The following ARMH1 variants were observed in gnomAD, a reference collection of about 807,000 sequenced individuals.
ARMH1 encodes the protein armadillo like helical domain containing 1.
Under a neutral mutation model 50.2 loss-of-function variants are expected in ARMH1, and 34 were observed. The observed-to-expected ratio is 0.68, with a 90% CI of 0.51 to 0.90. ARMH1 has a LOEUF of 0.90. Ranked by LOEUF, ARMH1 falls within the 40% of genes least tolerant of loss-of-function variation. The pLI, the probability that ARMH1 is intolerant of heterozygous loss-of-function variation, is 0.00. For missense variants in ARMH1, 538 were observed against 553.9 expected, an observed-to-expected ratio of 0.97 and a Z score of 0.29; for synonymous variants, 221 against 224.2, an observed-to-expected ratio of 0.99 and a Z score of 0.13.
chr1:44,704,281 C>G lies in ARMH1; in HGVS notation c.724+108C>G, dbSNP rs7517244. ...CCTTGATGTTGAGTGTCTGAGACAG[C>G]CTTGGCAGATGGAAGATGCTGGTTC... is the stretch of plus-strand genomic sequence containing the variant. On this transcript the variant is annotated intron_variant, in intron 6 of 11. Coordinates refer to ENST00000535358, the MANE Select transcript of ARMH1 (RefSeq NM_001145636.2). 888 of 825,688 alleles carry G rather than the reference C, an allele frequency of 1.1e-3. 5 individuals carry two copies. The African/African-American group carries it at 0.012, about 11-fold the overall frequency. 51.1% of individuals were successfully genotyped at this position (825,688 alleles called of 1,614,324 possible).
chr1:44,685,462 G>A (rs1017553442), intron 1 of ARMH1, among the ~76,000 whole-genome samples: 1 of 151,826 alleles, frequency 6.6e-6, no homozygotes, highest in Non-Finnish European at 1.5e-5. Context: ...CTACAAGTGT[G>A]TGTCACTATA....
intron 2 of ARMH1, among the ~76,000 whole-genome samples, chr1:44,694,861 A>G (rs933048248): frequency 2.6e-5 from 4 of 152,120 alleles, no homozygotes; most frequent in Non-Finnish European, 5.9e-5. Context: ...ATACTGTACA[A>G]ATATTATGTC....
intron 5 of ARMH1, 49 bp from the exon 6 acceptor site, chr1:44,704,038 TTA>T: frequency 7.0e-6 from 10 of 1,426,054 alleles, no homozygotes; most frequent in African/African-American, 1.4e-5. Flanking sequence ...GAATCCATCT[TTA>T]AAAAAAAAAA....
intron 6 of ARMH1, among the ~76,000 whole-genome samples, chr1:44,717,216 T>A (rs892174489): frequency 6.6e-6 from 1 of 152,204 alleles, no homozygotes; most frequent in Non-Finnish European, 1.5e-5. Flanking sequence ...TGAGCCTTCC[T>A]TTTCTCTGAA....
In ARMH1 at chr1:44,724,552, A is replaced by G. The variant is rs1573528686; in HGVS notation, c.934A>G (p.Asn312Asp). 6.6e-7 allele frequency: 1 copy of G among 1,512,064 alleles called. No individual in the cohort carries two copies. Among genetic ancestry groups the G allele is most frequent in the East Asian group, 2.7e-5 (1 of 37,096 alleles). The allele number at this position is 1,512,064 out of a possible 1,614,324, so 93.7% of individuals were successfully genotyped here. Residue 312 changes from asparagine to aspartate, a missense_variant, in exon 9 of 12, where the codon AAC becomes GAC. Physicochemically the swap from Asn to Asp is conservative, Grantham distance 23. Transcript: ENST00000535358. This position sits in a 1 kb window ranked among gnomAD's most constrained non-coding sequence, Gnocchi z 6.4. ...CCCCCGGCCCAGGGTCCTGGCGCGC[A>G]ACGACATGAGCATCGCCGAGGAGCT... ...AAKAIGVLAR[N>D]DMSIAEELLY...
chr1:44,710,466 G>A (rs939574897), intron 6 of ARMH1, among the ~76,000 whole-genome samples: 21 of 151,926 alleles, frequency 1.4e-4, no homozygotes, highest in South Asian at 2.1e-4. Flanking sequence ...AAAATTAGCC[G>A]GGCGTGGTGG....
At chr1:44,693,945 G>A (rs1205528422) in intron 2 of ARMH1, among the ~76,000 whole-genome samples, 1 of 152,088 alleles carries the variant, frequency 6.6e-6, no homozygotes, top group Admixed American at 6.6e-5. Flanking sequence ...TTTTCCCGCT[G>A]TTTCTCAGTT....
intron 4 of ARMH1, among the ~76,000 whole-genome samples, chr1:44,699,454 T>A (rs1489282095): frequency 6.6e-6 from 1 of 152,080 alleles, no homozygotes; most frequent in Non-Finnish European, 1.5e-5. Flanking sequence ...ATAGTTTTTA[T>A]TTTTTTCTTT....
chr1:44,715,243 C>G (rs1271377484), intron 6 of ARMH1, among the ~76,000 whole-genome samples: 1 of 152,210 alleles, frequency 6.6e-6, no homozygotes, highest in South Asian at 2.1e-4. Flanking sequence ...ATGATCAGTG[C>G]TGTTAGCACC....
At chr1:44,714,052 G>A (rs544958323) in intron 6 of ARMH1, among the ~76,000 whole-genome samples, 4 of 152,082 alleles carry the variant, frequency 2.6e-5, no homozygotes, top group South Asian at 4.2e-4. Flanking sequence ...GGCGGATCAC[G>A]AGGTCAGGAG....
chr1:44,722,769 GGCTGGGCCCACCGGGCC>G (rs1482288251), intron 6 of ARMH1, among the ~76,000 whole-genome samples: 1 of 148,426 alleles, frequency 6.7e-6, no homozygotes, highest in Non-Finnish European at 1.5e-5. Flanking sequence ...AGCATTTACT[GGCTGGGCCCACCGGGCC>G]CAGTGGCTCA....
At chr1:44,680,597 A>G (rs1291254743) in intron 1 of ARMH1, among the ~76,000 whole-genome samples, 1 of 152,200 alleles carries the variant, frequency 6.6e-6, no homozygotes, top group Non-Finnish European at 1.5e-5. Context: ...TTACGGAAAA[A>G]GTAGTTAGGA....
At chr1:44,695,649 C>G (rs1275705069) in intron 2 of ARMH1, among the ~76,000 whole-genome samples, 1 of 151,758 alleles carries the variant, frequency 6.6e-6, no homozygotes, top group Non-Finnish European at 1.5e-5. Context: ...AAAAAACAAA[C>G]AAAAAATAAA....
In ARMH1 at chr1:44,724,550, G is replaced by T. The variant is rs1246791888; in HGVS notation, c.932G>T (p.Arg311Leu). The T allele has an allele frequency of 1.3e-6, 2 of 1,511,188 alleles. No homozygotes were observed. Among genetic ancestry groups the T allele is most frequent in the Non-Finnish European group, 1.8e-6 (2 of 1,132,686 alleles). 93.6% of individuals were successfully genotyped at this position (1,511,188 alleles called of 1,614,324 possible). The change falls in exon 9 of 12, where the codon CGC (arginine) becomes CTC (leucine). Residue 311 changes from arginine to leucine, a missense_variant. Coordinates refer to ENST00000535358, the MANE Select transcript of ARMH1 (RefSeq NM_001145636.2). This position sits in a 1 kb window ranked among gnomAD's most constrained non-coding sequence, Gnocchi z 6.4. ...AAAKAIGVLA[R>L]NDMSIAEELL... ...AACCCCCGGCCCAGGGTCCTGGCGCGCAACGACATGAGCATCGCCGAGGAG... is the reference window on the plus strand; with the variant it reads ...AACCCCCGGCCCAGGGTCCTGGCGCTCAACGACATGAGCATCGCCGAGGAG...
intron 5 of ARMH1, among the ~76,000 whole-genome samples, chr1:44,702,078 CTGAG>C (rs1646108748): frequency 1.3e-5 from 2 of 152,096 alleles, no homozygotes; most frequent in Non-Finnish European, 2.9e-5. Flanking sequence ...GCACTCCAGC[CTGAG>C]TGATAGAGTG....
chr1:44,688,311 G>A (rs1261834485), intron 1 of ARMH1: 2 of 152,320 alleles, frequency 1.3e-5, no homozygotes, highest in Non-Finnish European at 1.5e-5. Context: ...CCTCTGGGGA[G>A]TAGTAGAGGT....
At chr1:44,704,414 T>G (rs1301440699) in intron 6 of ARMH1, among the ~76,000 whole-genome samples, 1 of 152,148 alleles carries the variant, frequency 6.6e-6, no homozygotes, top group Non-Finnish European at 1.5e-5. Flanking sequence ...GCTCCCAGTC[T>G]TATGTGATGC....
Position 44,725,427 on chromosome 1 carries a change from G to A in ARMH1, c.*24G>A. On this transcript the variant is annotated 3_prime_UTR_variant, in exon 12 of 12. Transcript: ENST00000535358. ...AACAGCCCCTGTGGCAAACCAGGAA[G>A]GCCAAGGCTGCGGGGCAGGGAAGCC... 1.3e-6 allele frequency: 2 copies of A among 1,550,720 alleles called. No individual in the cohort carries two copies. Among genetic ancestry groups the A allele is most frequent in the Non-Finnish European group, 1.7e-6 (2 of 1,146,064 alleles).
At chr1:44,675,432 G>T (rs571493786) in intron 1 of ARMH1, among the ~76,000 whole-genome samples, 1 of 152,258 alleles carries the variant, frequency 6.6e-6, no homozygotes, top group South Asian at 2.1e-4. Flanking sequence ...AGGCCAAGAC[G>T]GGAGAATGGC....
Sources: gnomAD v4.1 joint callset for allele counts (sites outside exome capture counted in the v4.1 genomes callset) on GRCh38, gnomAD v4.1.1 for gene constraint, Gnocchi (gnomAD v3.1) non-coding constraint, MANE v1.5 for transcripts, NCBI Gene and HGNC (gene_info 2026-07-23, HGNC 2026-07-21) for gene names.